Variants in CYP7B1 observed in about 807,000 individuals in gnomAD.
CYP7B1 encodes cytochrome P450 7B1.
A neutral mutation model predicts 42.7 loss-of-function variants in CYP7B1; 29 were observed. That is an observed-to-expected ratio of 0.68 (90% CI 0.51 to 0.93). The LOEUF is 0.93. Ranked by LOEUF, CYP7B1 falls within the 40% of genes least tolerant of loss-of-function variation. The pLI, the probability that CYP7B1 is intolerant of heterozygous loss-of-function variation, is 0.00. For synonymous variants in CYP7B1, 235 were observed against 218.2 expected, an observed-to-expected ratio of 1.08 and a Z score of -0.68; for missense variants, 655 against 600.5, an observed-to-expected ratio of 1.09 and a Z score of -0.95.
At chr8:64,666,225 TTA>T (rs1806277843) in intron 1 of CYP7B1, among the ~76,000 whole-genome samples, 1 of 152,144 alleles carries the variant, frequency 6.6e-6, no homozygotes, top group African/African-American at 2.4e-5. Context: ...CCTTTAAATG[TTA>T]TGTTTTAGAG....
At position 64,728,457 on chromosome 8, in the gene CYP7B1, C is replaced by T. The variant is rs866801964; in HGVS notation, c.122+70009G>A. ...GAGATCAGCAACAGATCCTTCCCCA[C>T]ACTGTTAGCCCCTTATCTCAGATGT... is the stretch of plus-strand genomic sequence containing the variant. On this transcript the variant is annotated intron_variant, in intron 1 of 5. Coordinates refer to ENST00000310193, the MANE Select transcript of CYP7B1 (RefSeq NM_004820.5). Among the ~76,000 whole-genome samples the T allele has an allele frequency of 4.6e-5, 7 of 152,340 alleles. No homozygotes were observed. The East Asian group carries it at 1.3e-3, about 29-fold the overall frequency.
intron 1 of CYP7B1, among the ~76,000 whole-genome samples, chr8:64,685,663 G>T (rs1806617402): frequency 2.4e-5 from 1 of 41,516 alleles, no homozygotes; most frequent in Admixed American, 2.1e-4. Context: ...GAGCCCCTCC[G>T]CCCCGCAGCT....
intron 1 of CYP7B1, among the ~76,000 whole-genome samples, chr8:64,709,993 G>A (rs1807057419): frequency 1.3e-5 from 2 of 151,922 alleles, no homozygotes; most frequent in Non-Finnish European, 2.9e-5. Flanking sequence ...TTTTCTACAG[G>A]CCATATCGAG....
chr8:64,609,364 T>C (rs1170279757), intron 4 of CYP7B1, among the ~76,000 whole-genome samples: 3 of 152,214 alleles, frequency 2.0e-5, no homozygotes, highest in African/African-American at 7.2e-5. Context: ...AATGATAGCA[T>C]TCAGAAAGCC....
intron 1 of CYP7B1, among the ~76,000 whole-genome samples, chr8:64,695,387 C>T (rs765539148): frequency 2.0e-5 from 3 of 152,160 alleles, no homozygotes; most frequent in African/African-American, 4.8e-5. Flanking sequence ...CATTGGGCGG[C>T]GGGCTGAGGG....
At chr8:64,674,764 TA>T (rs1483091073) in intron 1 of CYP7B1, among the ~76,000 whole-genome samples, 1 of 152,058 alleles carries the variant, frequency 6.6e-6, no homozygotes, top group Non-Finnish European at 1.5e-5. Flanking sequence ...GTGTTCTTAA[TA>T]AAAAAATAAA....
In CYP7B1 at chr8:64,798,690, G is replaced by A. The variant is rs1169215940; in HGVS notation, c.-103C>T. 2.3e-6 allele frequency: 3 copies of A among 1,294,286 alleles called. No individual in the cohort carries two copies. In the Admixed American group the frequency reaches 1.1e-4, roughly 48 times the overall value. 80.2% of individuals were successfully genotyped at this position (1,294,286 alleles called of 1,614,324 possible). A position where few individuals can be genotyped will look rare whatever the true frequency, so the allele number is the denominator to read the frequency against. On this transcript the variant is annotated 5_prime_UTR_variant, in exon 1 of 6. Coordinates refer to ENST00000310193, the MANE Select transcript of CYP7B1 (RefSeq NM_004820.5). Reference sequence around the variant, plus strand: ...CGGCTTCTCTCGGCGGCGCCCCCTAGTCCAGGGCCGGAGAGGCTGGCCTGC... The same window carrying A: ...CGGCTTCTCTCGGCGGCGCCCCCTAATCCAGGGCCGGAGAGGCTGGCCTGC...
At chr8:64,613,243 G>T (rs954860990) in intron 4 of CYP7B1, among the ~76,000 whole-genome samples, 1 of 152,130 alleles carries the variant, frequency 6.6e-6, no homozygotes, top group Non-Finnish European at 1.5e-5. Flanking sequence ...ATCCAACAGT[G>T]AAAATCTCTA....
In CYP7B1 at chr8:64,798,688, T is replaced by C. The variant is rs1382353628; in HGVS notation, c.-101A>G. 8 of 1,309,562 alleles carry C rather than the reference T, an allele frequency of 6.1e-6. No homozygotes were observed. The highest frequency in any genetic ancestry group is 7.9e-6 in the Non-Finnish European group (8 of 1,007,390). The allele number at this position is 1,309,562 out of a possible 1,614,324, so 81.1% of individuals were successfully genotyped here. A position where few individuals can be genotyped will look rare whatever the true frequency, so the allele number is the denominator to read the frequency against. On this transcript the variant is annotated 5_prime_UTR_variant, in exon 1 of 6. Coordinates refer to ENST00000310193, the MANE Select transcript of CYP7B1 (RefSeq NM_004820.5). ...GGCGGCTTCTCTCGGCGGCGCCCCCTAGTCCAGGGCCGGAGAGGCTGGCCT... is the reference window on the plus strand; with the variant it reads ...GGCGGCTTCTCTCGGCGGCGCCCCCCAGTCCAGGGCCGGAGAGGCTGGCCT...
chr8:64,786,582 G>A (rs1324832060), intron 1 of CYP7B1, among the ~76,000 whole-genome samples: 4 of 152,334 alleles, frequency 2.6e-5, no homozygotes, highest in South Asian at 2.1e-4. Context: ...GCAGGGTACA[G>A]CCCCCCTCCC....
intron 2 of CYP7B1, among the ~76,000 whole-genome samples, chr8:64,621,010 A>C (rs1805522401): frequency 6.6e-6 from 1 of 152,228 alleles, no homozygotes; most frequent in Non-Finnish European, 1.5e-5. Flanking sequence ...AGAAAAACTG[A>C]ACATTTCAAT....
intron 1 of CYP7B1, among the ~76,000 whole-genome samples, chr8:64,673,091 C>T (rs538050839): frequency 4.6e-5 from 7 of 152,176 alleles, no homozygotes; most frequent in Non-Finnish European, 8.8e-5. Flanking sequence ...ACCTTGTCTC[C>T]CCCTTTGCTC....
rs532618442 is a variant in CYP7B1, at chr8:64,729,248, A to T, written c.122+69218T>A. Among the ~76,000 whole-genome samples, 4 of 152,372 alleles carry T rather than the reference A, an allele frequency of 2.6e-5. No homozygotes were observed. In the South Asian group the frequency reaches 8.3e-4, roughly 32 times the overall value. On this transcript the variant is annotated intron_variant, in intron 1 of 5. Coordinates refer to ENST00000310193, the MANE Select transcript of CYP7B1 (RefSeq NM_004820.5). ...ATGATCTTATGATACTTGACACATC[A>T]AAACAAAGTGAAAAGTATTAATCTA...
intron 1 of CYP7B1, among the ~76,000 whole-genome samples, chr8:64,626,407 T>G (rs969432919): frequency 2.0e-5 from 3 of 152,310 alleles, no homozygotes; most frequent in African/African-American, 7.2e-5. Flanking sequence ...TCAATTAGAC[T>G]GGAAATACAT....
chr8:64,757,246 A>G (rs910107290), intron 1 of CYP7B1, among the ~76,000 whole-genome samples: 1 of 152,174 alleles, frequency 6.6e-6, no homozygotes, highest in African/African-American at 2.4e-5. Flanking sequence ...TCCTACACTC[A>G]GTTTCCTCTG....
intron 1 of CYP7B1, among the ~76,000 whole-genome samples, chr8:64,792,387 A>C (rs1448637295): frequency 1.3e-5 from 2 of 152,154 alleles, no homozygotes; most frequent in Non-Finnish European, 2.9e-5. Context: ...CTAATATTAA[A>C]GGCACTAATA....
chr8:64,791,424 T>A (rs1424789083), intron 1 of CYP7B1, among the ~76,000 whole-genome samples: 2 of 152,140 alleles, frequency 1.3e-5, no homozygotes, highest in African/African-American at 4.8e-5. Flanking sequence ...TTGTCCTGGA[T>A]TATCAGCACG....
At chr8:64,759,686 C>T (rs1177473447) in intron 1 of CYP7B1, among the ~76,000 whole-genome samples, 1 of 152,010 alleles carries the variant, frequency 6.6e-6, no homozygotes, top group African/African-American at 2.4e-5. Context: ...ATACAAAATT[C>T]TTTATTTTAC....
chr8:64,615,748 GA>G lies in CYP7B1; in HGVS notation c.792del (p.Gln265LysfsTer18). ...TTCTCCAGGACATCTTGCCTGCTTT[GA>G]AAAACTTCTGACCATCCTTGCATCT... is the stretch of plus-strand genomic sequence containing the variant. ...LAKMQGWSEV[F>X]QSRQDVLEKY... is the part of the protein sequence containing the mutation. On this transcript the variant is annotated frameshift_variant, in exon 3 of 6. Coordinates refer to ENST00000310193, the MANE Select transcript of CYP7B1 (RefSeq NM_004820.5). LOFTEE classifies it high-confidence loss of function. 6.2e-7 allele frequency: 1 copy of G among 1,613,656 alleles called. No homozygotes were observed. Among genetic ancestry groups the G allele is most frequent in the Non-Finnish European group, 8.5e-7 (1 of 1,179,758 alleles).
Sources: gnomAD v4.1 joint callset for allele counts (sites outside exome capture counted in the v4.1 genomes callset) on GRCh38, gnomAD v4.1.1 for gene constraint, MANE v1.5 for transcripts, NCBI Gene and HGNC (gene_info 2026-07-23, HGNC 2026-07-21) for gene names.